PDE4D: variants seen among roughly 807,000 people sequenced by gnomAD.
PDE4D encodes the protein phosphodiesterase 4D.
PDE4D carries 24 observed loss-of-function variants against 87.4 expected under a neutral mutation model. That is an observed-to-expected ratio of 0.27 (90% CI 0.20 to 0.39). The LOEUF (loss-of-function observed/expected upper bound fraction) is 0.39, where lower values mean the gene tolerates loss of function less well. Among genes scored for constraint, PDE4D ranks in the 10% least tolerant of loss-of-function variants. The pLI is 1.00. For synonymous variants in PDE4D, 384 were observed against 383.2 expected (o/e 1.00, Z -0.02); for missense variants, 714 against 1,041.0 (o/e 0.69, Z 4.32).
intron 2 of PDE4D, among the ~76,000 whole-genome samples, chr5:60,118,104 A>G (rs1778331119): frequency 6.6e-6 from 1 of 152,140 alleles, no homozygotes; most frequent in African/African-American, 2.4e-5. Flanking sequence ...CATAGATTTC[A>G]AGTTTCCTAT....
intron 1 of PDE4D, among the ~76,000 whole-genome samples, chr5:59,528,166 G>T (rs1813505711): frequency 6.6e-6 from 1 of 152,178 alleles, no homozygotes; most frequent in African/African-American, 2.4e-5. Context: ...ATACATGTGT[G>T]CCAGGAAACA....
intron 1 of PDE4D, among the ~76,000 whole-genome samples, chr5:59,783,209 A>G (rs1173300000): frequency 6.6e-6 from 1 of 152,212 alleles, no homozygotes; most frequent in African/African-American, 2.4e-5. Context: ...GCATATTAGA[A>G]TCACCCGGAG....
At chr5:59,876,790 G>T (rs759375358) in intron 1 of PDE4D, among the ~76,000 whole-genome samples, 7 of 152,094 alleles carry the variant, frequency 4.6e-5, no homozygotes, top group Admixed American at 1.3e-4. Context: ...TCTATAAATG[G>T]CTATCTCAGT....
At chr5:60,035,036 A>G (rs1016758891) in intron 2 of PDE4D, among the ~76,000 whole-genome samples, 1 of 152,194 alleles carries the variant, frequency 6.6e-6, no homozygotes, top group African/African-American at 2.4e-5. Context: ...CGGGAGGATC[A>G]CCTGAAGTCA....
intron 1 of PDE4D, among the ~76,000 whole-genome samples, chr5:59,744,799 T>A (rs1759368704): frequency 1.3e-5 from 2 of 152,220 alleles, no homozygotes; most frequent in Non-Finnish European, 2.9e-5. Context: ...ACATATCATG[T>A]GACAGTAGTA....
intron 1 of PDE4D, among the ~76,000 whole-genome samples, chr5:59,415,582 G>A (rs1285975122): frequency 1.3e-5 from 2 of 152,066 alleles, no homozygotes; most frequent in Non-Finnish European, 2.9e-5. Context: ...GGAACAACTT[G>A]GGAAGTGAAT....
chr5:59,073,276 G>GT (rs1561435112), intron 5 of PDE4D, among the ~76,000 whole-genome samples: 2 of 152,030 alleles, frequency 1.3e-5, no homozygotes, highest in Non-Finnish European at 2.9e-5. Context: ...CAACTCACTT[G>GT]ACCTGCTAAG....
intron 1 of PDE4D, chr5:60,188,303 T>G (rs1784938018): frequency 6.6e-6 from 1 of 152,116 alleles, no homozygotes; most frequent in Admixed American, 6.5e-5. Flanking sequence ...TACCTGGAAC[T>G]AGCAACAGCG....
chr5:59,698,988 A>G (rs568224914), intron 1 of PDE4D, among the ~76,000 whole-genome samples: 4 of 152,194 alleles, frequency 2.6e-5, no homozygotes, highest in Non-Finnish European at 5.9e-5. Flanking sequence ...TTGCTGGATT[A>G]TGCAGTGTAC....
intron 2 of PDE4D, among the ~76,000 whole-genome samples, chr5:60,009,948 T>C (rs977899661): frequency 4.6e-5 from 7 of 152,108 alleles, no homozygotes; most frequent in East Asian, 1.9e-4. Flanking sequence ...ATGTGGCTAA[T>C]GGCAGTTGGT....
intron 1 of PDE4D, among the ~76,000 whole-genome samples, chr5:60,493,775 C>T (rs11749279): frequency 5.9e-5 from 9 of 152,136 alleles, no homozygotes; most frequent in African/African-American, 1.7e-4. Flanking sequence ...GCACACCCTT[C>T]CCCAGCACCC....
intron 1 of PDE4D, among the ~76,000 whole-genome samples, chr5:59,490,906 G>A (rs1806066368): frequency 6.6e-6 from 1 of 152,188 alleles, no homozygotes; most frequent in South Asian, 2.1e-4. Flanking sequence ...TACAGAGGAA[G>A]TATACATAGT....
Position 59,566,583 on chromosome 5 carries a change from T to TGAGAGA in PDE4D, c.455+326579_455+326584dup, listed in dbSNP as rs564167777. Among the ~76,000 whole-genome samples the TGAGAGA allele has an allele frequency of 2.2e-4, 33 of 146,970 alleles. 1 individual carries two copies. Among genetic ancestry groups the TGAGAGA allele is most frequent in the Admixed American group, 8.8e-4 (13 of 14,724 alleles). On this transcript the variant is annotated intron_variant, in intron 1 of 14. Transcript: ENST00000340635. The stretch of plus-strand genomic sequence containing the variant: ...GTGTGTGTGTGTGTGTGTGTGTGTG[T>TGAGAGA]GAGAGAATGAGAGAGAGAGAGAAAG...
chr5:60,459,703 C>A, intron 1 of PDE4D: 1 of 276,422 alleles, frequency 3.6e-6, no homozygotes, highest in Non-Finnish European at 7.1e-6. Context: ...TTGTATTCTG[C>A]AATAAGTTGA....
intron 1 of PDE4D, among the ~76,000 whole-genome samples, chr5:59,552,483 A>G (rs1391638094): frequency 6.6e-6 from 1 of 152,188 alleles, no homozygotes; most frequent in Non-Finnish European, 1.5e-5. Flanking sequence ...CTTCCCAAAC[A>G]AATATTACAT....
At chr5:59,668,911 A>AGAG (rs1561441882) in intron 1 of PDE4D, among the ~76,000 whole-genome samples, 2 of 75,142 alleles carry the variant, frequency 2.7e-5, no homozygotes, top group East Asian at 2.6e-3. Context: ...AAGAAGAAGA[A>AGAG]GAAGAAGAAG....
chr5:59,307,968 C>A (rs1581877209), intron 1 of PDE4D, among the ~76,000 whole-genome samples: 1 of 152,238 alleles, frequency 6.6e-6, no homozygotes, highest in Non-Finnish European at 1.5e-5. Context: ...ATCCAAATGT[C>A]CAACAATGAT....
intron 1 of PDE4D, among the ~76,000 whole-genome samples, chr5:59,318,806 C>G (rs187948714): frequency 6.6e-6 from 1 of 151,936 alleles, no homozygotes; most frequent in Admixed American, 6.6e-5. Flanking sequence ...AAATAAACTA[C>G]GTAAGCAGCC....
intron 1 of PDE4D, among the ~76,000 whole-genome samples, chr5:60,295,370 C>G (rs956464459): frequency 6.6e-6 from 1 of 152,184 alleles, no homozygotes; most frequent in African/African-American, 2.4e-5. Flanking sequence ...TTGCTAAGAC[C>G]TTCAGTAAAA....
Sources: gnomAD v4.1 joint callset for allele counts (sites outside exome capture counted in the v4.1 genomes callset) on GRCh38, gnomAD v4.1.1 for gene constraint, MANE v1.5 for transcripts, NCBI Gene and HGNC (gene_info 2026-07-23, HGNC 2026-07-21) for gene names.